NRG3: variants seen among roughly 807,000 people sequenced by gnomAD.
NRG3 encodes the protein pro-neuregulin-3, membrane-bound isoform.
Under a neutral mutation model 66.9 loss-of-function variants are expected in NRG3, and 31 were observed. The ratio of observed to expected loss-of-function variants is 0.46; its 90% CI spans 0.35 to 0.63. NRG3 has a LOEUF of 0.63. NRG3 is among the 20% of genes least tolerant of loss of function. The pLI is 0.00. For synonymous variants in NRG3, 393 were observed against 359.4 expected (o/e 1.09, Z -1.06); for missense variants, 910 against 878.9 (o/e 1.04, Z -0.45).
At chr10:82,823,945 G>A (rs1282011240) in intron 3 of NRG3, among the ~76,000 whole-genome samples, 2 of 151,958 alleles carry the variant, frequency 1.3e-5, no homozygotes, top group Admixed American at 1.3e-4. Context: ...TCTAATTCCA[G>A]AGTTCTCATC....
intron 2 of NRG3, among the ~76,000 whole-genome samples, chr10:82,403,517 A>C (rs564456167): frequency 1.1e-3 from 164 of 152,328 alleles, no homozygotes; most frequent in Non-Finnish European, 1.9e-3. Flanking sequence ...ACATATTTCA[A>C]AATCACTTTT....
At chr10:82,145,614 CT>C in intron 1 of NRG3, among the ~76,000 whole-genome samples, 1 of 152,256 alleles carries the variant, frequency 6.6e-6, no homozygotes, top group Admixed American at 6.5e-5. Context: ...GGTCAGTTTG[CT>C]TTCATCTTGA....
chr10:82,161,666 T>C (rs1309425509), intron 1 of NRG3, among the ~76,000 whole-genome samples: 1 of 152,122 alleles, frequency 6.6e-6, no homozygotes, highest in Non-Finnish European at 1.5e-5. Flanking sequence ...TGAAAGCCTG[T>C]TCTCTTTTCA....
At chr10:82,863,981 A>G (rs2064283137) in intron 3 of NRG3, among the ~76,000 whole-genome samples, 2 of 152,202 alleles carry the variant, frequency 1.3e-5, no homozygotes, top group Non-Finnish European at 2.9e-5. Flanking sequence ...AAATGAATGC[A>G]TCTACTTTTT....
At chr10:82,902,334 G>A (rs932198420) in intron 4 of NRG3, among the ~76,000 whole-genome samples, 1 of 152,100 alleles carries the variant, frequency 6.6e-6, no homozygotes, top group Non-Finnish European at 1.5e-5. Context: ...TCCATAGAGG[G>A]TTAGTGAATA....
intron 2 of NRG3, among the ~76,000 whole-genome samples, chr10:82,469,406 G>A: frequency 6.6e-6 from 1 of 152,178 alleles, no homozygotes; most frequent in East Asian, 1.9e-4. Context: ...GGAGCAAGAG[G>A]CATATCAAAC....
At chr10:82,287,322 T>C (rs533768588) in intron 1 of NRG3, among the ~76,000 whole-genome samples, 1 of 152,102 alleles carries the variant, frequency 6.6e-6, no homozygotes, top group South Asian at 2.1e-4. Context: ...TGCTTCCTGT[T>C]TGTTTTCTGC....
At chr10:82,443,158 G>A (rs1399180936) in intron 2 of NRG3, among the ~76,000 whole-genome samples, 1 of 151,998 alleles carries the variant, frequency 6.6e-6, no homozygotes, top group Admixed American at 6.6e-5. Flanking sequence ...AGGGGAGAGG[G>A]AGAGAAAAAA....
Position 82,965,230 on chromosome 10 carries a change from T to A in NRG3, c.1284+6155T>A, listed in dbSNP as rs117235753. Among the ~76,000 whole-genome samples, 139 of 152,328 alleles carry A rather than the reference T, an allele frequency of 9.1e-4. 3 individuals are homozygous for A. The East Asian group carries it at 0.023, about 25-fold the overall frequency. On this transcript the variant is annotated intron_variant, in intron 6 of 8. Transcript: ENST00000372141. ...TATACCAAATGAGCTCTTAACCATG[T>A]GCACACAATAAAGTCAGGATCTGTG...
At chr10:82,135,861 G>T (rs567294272) in intron 1 of NRG3, among the ~76,000 whole-genome samples, 1 of 152,160 alleles carries the variant, frequency 6.6e-6, no homozygotes, top group Admixed American at 6.5e-5. Flanking sequence ...GGTTTGTTTT[G>T]TGAGGTCATC....
chr10:82,271,431 G>A (rs1435854157), intron 1 of NRG3, among the ~76,000 whole-genome samples: 2 of 152,052 alleles, frequency 1.3e-5, no homozygotes, highest in African/African-American at 2.4e-5. Context: ...AAAACACTTT[G>A]TATAATATCT....
intron 2 of NRG3, among the ~76,000 whole-genome samples, chr10:82,449,409 G>A (rs2090909632): frequency 1.3e-5 from 2 of 152,230 alleles, no homozygotes; most frequent in African/African-American, 2.4e-5. Context: ...ATGAGGCCCA[G>A]CCTGAATGAA....
intron 2 of NRG3, among the ~76,000 whole-genome samples, chr10:82,376,107 T>TG (rs1305478442): frequency 6.6e-6 from 1 of 151,934 alleles, no homozygotes; most frequent in Non-Finnish European, 1.5e-5. Flanking sequence ...AGGTCTGGGG[T>TG]GGGGATGAAA....
chr10:81,896,348 C>G (rs577211495), intron 1 of NRG3, among the ~76,000 whole-genome samples: 1 of 152,098 alleles, frequency 6.6e-6, no homozygotes, highest in Non-Finnish European at 1.5e-5. Flanking sequence ...AGAACTCTCT[C>G]TCTCACTTTC....
intron 2 of NRG3, among the ~76,000 whole-genome samples, chr10:82,705,460 C>G (rs529441129): frequency 1.3e-5 from 2 of 152,266 alleles, no homozygotes; most frequent in South Asian, 4.1e-4. Context: ...TGTGGACCCT[C>G]TAGTAGTTAA....
At chr10:82,084,250 TA>T (rs1185292902) in intron 1 of NRG3, among the ~76,000 whole-genome samples, 3 of 151,972 alleles carry the variant, frequency 2.0e-5, no homozygotes, top group African/African-American at 4.8e-5. Context: ...GACACATTTA[TA>T]ATACTAGTAA....
At chr10:82,096,740 T>C (rs772120813) in intron 1 of NRG3, among the ~76,000 whole-genome samples, 8 of 152,050 alleles carry the variant, frequency 5.3e-5, no homozygotes, top group Admixed American at 1.3e-4. Flanking sequence ...CCAATGAACA[T>C]ACAAGAAAAA....
At chr10:82,147,451 A>C (rs2070339839) in intron 1 of NRG3, among the ~76,000 whole-genome samples, 1 of 152,202 alleles carries the variant, frequency 6.6e-6, no homozygotes, top group Non-Finnish European at 1.5e-5. Flanking sequence ...AAATACAAAA[A>C]TAGATTTGTT....
intron 3 of NRG3, chr10:82,827,145 T>C: frequency 3.0e-6 from 1 of 338,326 alleles, no homozygotes; most frequent in Non-Finnish European, 5.6e-6. Flanking sequence ...TTTATTATAC[T>C]CAAATGAACA....
Sources: gnomAD v4.1 joint callset for allele counts (sites outside exome capture counted in the v4.1 genomes callset) on GRCh38, gnomAD v4.1.1 for gene constraint, MANE v1.5 for transcripts, NCBI Gene and HGNC (gene_info 2026-07-23, HGNC 2026-07-21) for gene names.